ACOT9: variants seen among roughly 807,000 people sequenced by gnomAD.
ACOT9 encodes the protein acyl-CoA thioesterase 9.
ACOT9 carries 34 observed loss-of-function variants against 39.7 expected under a neutral mutation model. That is an observed-to-expected ratio of 0.86 (90% CI 0.65 to 1.14). ACOT9 has a LOEUF of 1.14. Among genes scored for constraint, ACOT9 ranks in the 50% most tolerant of loss-of-function variants. The pLI, the probability that ACOT9 is intolerant of heterozygous loss-of-function variation, is 0.00. For synonymous variants in ACOT9, 110 were observed against 120.5 expected (o/e 0.91, Z 0.57); for missense variants, 313 against 344.1 (o/e 0.91, Z 0.71).
chrX:23,732,452 T>A (rs753256458), intron 4 of ACOT9, among the ~76,000 whole-genome samples: 2 of 112,104 alleles, frequency 1.8e-5, no homozygotes, highest in Non-Finnish European at 3.8e-5. Context: ...TATGTGTATA[T>A]TGGAAAATTT....
At chrX:23,742,213 TGAGAGAGAGAGAGA>T (rs1190609377) in intron 1 of ACOT9, among the ~76,000 whole-genome samples, 1 of 68,910 alleles carries the variant, frequency 1.5e-5, no homozygotes, top group Non-Finnish European at 2.5e-5. Context: ...AGTGAGTGAG[TGAGAGAGAGAGAGA>T]GAGAGAGAGG....
intron 11 of ACOT9, among the ~76,000 whole-genome samples, chrX:23,706,419 C>T (rs941839776): frequency 6.5e-5 from 7 of 107,004 alleles, no homozygotes; most frequent in South Asian, 8.4e-4. Context: ...ATTAACCAGG[C>T]GTGGAGGTGC....
At chrX:23,731,575 T>A (rs1234864507) in intron 4 of ACOT9, among the ~76,000 whole-genome samples, 1 of 110,235 alleles carries the variant, frequency 9.1e-6, no homozygotes, top group African/African-American at 3.3e-5. Context: ...ACCAGAATAT[T>A]TGAAATTAAA....
chrX:23,722,501 T>C (rs1434442950), intron 7 of ACOT9, among the ~76,000 whole-genome samples, 169 bp downstream of exon 7: 2 of 109,468 alleles, frequency 1.8e-5, no homozygotes, highest in Non-Finnish European at 3.8e-5. Flanking sequence ...GAGGCGAAGG[T>C]TGCAGTGAGC....
intron 9 of ACOT9, among the ~76,000 whole-genome samples, chrX:23,712,065 G>A (rs1928916041): frequency 9.0e-6 from 1 of 111,384 alleles, no homozygotes; most frequent in Non-Finnish European, 1.9e-5. Context: ...AGAAACAATA[G>A]GGGAAGACAC....
At chrX:23,734,769 T>C (rs955672866) in intron 2 of ACOT9, among the ~76,000 whole-genome samples, 2 of 109,832 alleles carry the variant, frequency 1.8e-5, no homozygotes, top group South Asian at 7.7e-4. Context: ...GGGTGAATCA[T>C]GAGGTCAGGA....
chrX:23,721,917 C>T lies in ACOT9; in HGVS notation c.552G>A (p.Gly184=), dbSNP rs770299108. 6 of 1,211,234 alleles carry T rather than the reference C, an allele frequency of 5.0e-6. No homozygotes were observed. Among genetic ancestry groups the T allele is most frequent in the Non-Finnish European group, 6.7e-6 (6 of 895,168 alleles). The change falls in exon 8 of 16, where the codon GGG becomes GGA. Residue 184 remains glycine (G), a synonymous_variant. Transcript: ENST00000379303. ...IKFSGHVSWV[G]KTSMEVKMQM... ...GCATCTTCACTTCCATGGATGTCTT[C>T]CCGACCCAGCTAACATGGCCACTGA...
At chrX:23,740,819 T>C (rs1168167225) in intron 1 of ACOT9, among the ~76,000 whole-genome samples, 2 of 109,499 alleles carry the variant, frequency 1.8e-5, no homozygotes, top group Non-Finnish European at 3.8e-5. Flanking sequence ...AACACTTCAG[T>C]ACCTCAGGGT....
At chrX:23,724,157 G>A (rs1355721161) in intron 6 of ACOT9, among the ~76,000 whole-genome samples, 1 of 111,169 alleles carries the variant, frequency 9.0e-6, no homozygotes, top group East Asian at 2.8e-4. Context: ...CCAGCTACTC[G>A]GGAGATAGGT....
intron 8 of ACOT9, 149 bp downstream of exon 8, chrX:23,721,732 C>A: frequency 2.5e-6 from 1 of 400,647 alleles, no homozygotes; most frequent in Non-Finnish European, 4.3e-6. Flanking sequence ...ATTAATAACC[C>A]ACCATCCATA....
chrX:23,720,069 G>C lies in ACOT9; in HGVS notation c.588+1812C>G, dbSNP rs779054994. 3.6e-5 allele frequency among the ~76,000 whole-genome samples: 4 copies of C among 112,389 alleles called. No individual in the cohort carries two copies. In the South Asian group the frequency reaches 1.4e-3, roughly 41 times the overall value. On this transcript the variant is annotated intron_variant, in intron 8 of 15. Coordinates refer to ENST00000379303, the MANE Select transcript of ACOT9 (RefSeq NM_001037171.2). Reference sequence around the variant, plus strand: ...AGGATGGTCTCGATCTCCTGACCTGGTGATCTGCCCGCCTTGGCCTCCCAA... The same window carrying C: ...AGGATGGTCTCGATCTCCTGACCTGCTGATCTGCCCGCCTTGGCCTCCCAA...
At chrX:23,742,787 A>T (rs1461596355) in intron 1 of ACOT9, among the ~76,000 whole-genome samples, 2 of 112,603 alleles carry the variant, frequency 1.8e-5, no homozygotes, top group Non-Finnish European at 3.8e-5. Context: ...TATCTTTCTG[A>T]CAAGGGGCTA....
chrX:23,722,921 G>A (rs1929371134), intron 6 of ACOT9, among the ~76,000 whole-genome samples, 168 bp from the exon 7 acceptor site: 1 of 111,233 alleles, frequency 9.0e-6, no homozygotes, highest in Admixed American at 9.7e-5. Context: ...ATAAATTGAA[G>A]GATTTGGGAG....
rs1036616121 is a variant in ACOT9 at position 23,705,137 on chromosome X, T to A, written c.1020-57A>T. ...ATTGCAAAATTCAGATGATCTCAAT[T>A]GTTTCCTCTAACAACTAGCTGAAGC... is the stretch of plus-strand genomic sequence containing the variant. On this transcript the variant is annotated intron_variant, in intron 13 of 15. Transcript: ENST00000379303. 9 of 1,020,010 alleles carry A rather than the reference T, an allele frequency of 8.8e-6. No individual in the cohort carries two copies. In the East Asian group the frequency reaches 2.7e-4, roughly 31 times the overall value. 84.1% of individuals were successfully genotyped at this position (1,020,010 alleles called of 1,213,427 possible). A position where few individuals can be genotyped will look rare whatever the true frequency, so the allele number is the denominator to read the frequency against.
At chrX:23,704,555 G>A (rs1928607742) in intron 15 of ACOT9, 139 bp downstream of exon 15, 8 of 765,308 alleles carry the variant, frequency 1.0e-5, no homozygotes, top group Non-Finnish European at 1.5e-5. Flanking sequence ...CTTCAGGGCT[G>A]CCAAATCTCA....
chrX:23,719,367 T>A (rs187242712), intron 8 of ACOT9, among the ~76,000 whole-genome samples: 84 of 112,378 alleles, frequency 7.5e-4, no homozygotes, highest in African/African-American at 2.7e-3. Flanking sequence ...AAAATACTTA[T>A]TTTGACAAAT....
intron 1 of ACOT9, among the ~76,000 whole-genome samples, chrX:23,742,268 C>T: frequency 2.1e-5 from 1 of 47,016 alleles, no homozygotes; most frequent in Non-Finnish European, 3.5e-5. Context: ...TATCCAGGAC[C>T]CCCAAGAGAA....
intron 7 of ACOT9, 151 bp downstream of exon 7, chrX:23,722,519 G>A (rs1421850071): frequency 2.6e-6 from 1 of 387,546 alleles, no homozygotes; most frequent in Non-Finnish European, 4.5e-6. Flanking sequence ...AGCCAAGATC[G>A]TGCCATTACA....
intron 6 of ACOT9, among the ~76,000 whole-genome samples, chrX:23,726,531 G>C (rs749827714): frequency 8.6e-4 from 96 of 111,395 alleles, no homozygotes; most frequent in Non-Finnish European, 1.7e-3. Flanking sequence ...ACAGCCGACC[G>C]GGAAATGTTT....
Sources: allele counts gnomAD v4.1 joint callset (sites outside exome capture counted in the v4.1 genomes callset), GRCh38; gene constraint gnomAD v4.1.1; transcripts MANE v1.5; gene names NCBI Gene and HGNC (gene_info 2026-07-23, HGNC 2026-07-21).